Variants in SPATA31C2 observed in about 807,000 individuals in gnomAD.
The protein encoded by SPATA31C2 is spermatogenesis-associated protein 31C2.
Under a neutral mutation model 11.4 loss-of-function variants are expected in SPATA31C2, and 5 were observed. The ratio of observed to expected loss-of-function variants is 0.44; its 90% CI spans 0.23 to 0.92. SPATA31C2 has a LOEUF of 0.92. Among genes scored for constraint, SPATA31C2 ranks in the 40% least tolerant of loss-of-function variants. The pLI, the probability that SPATA31C2 is intolerant of heterozygous loss-of-function variation, is 0.24. For missense variants in SPATA31C2, 1,353 were observed against 1,368.6 expected, an observed-to-expected ratio of 0.99 and a Z score of 0.18; for synonymous variants, 515 against 538.7, an observed-to-expected ratio of 0.96 and a Z score of 0.61.
At position 88,130,403 on chromosome 9, in the gene SPATA31C2, C is replaced by T. The variant is rs185867032; in HGVS notation, c.2634G>A (p.Val878=). The T allele has an allele frequency of 2.7e-5, 43 of 1,611,822 alleles. No homozygotes were observed. The Admixed American group carries it at 4.7e-4, about 18-fold the overall frequency. Residue 878 remains valine (V), a synonymous_variant, in exon 4 of 4, where the codon GTG becomes GTA. Transcript: ENST00000324915. Reference sequence around the variant, plus strand: ...CAGATGCTTGCCCATCTGGAAGGAGCACAACAGTGGCAGAAACTTGAGGCT... The same window carrying T: ...CAGATGCTTGCCCATCTGGAAGGAGTACAACAGTGGCAGAAACTTGAGGCT... ...ETQPQVSATV[V]LLPDGQASVV...
chr9:88,134,328 G>A (rs1484734650), intron 1 of SPATA31C2, among the ~76,000 whole-genome samples: 2 of 131,636 alleles, frequency 1.5e-5, no homozygotes, highest in African/African-American at 2.7e-5. Flanking sequence ...GCCAGGCCCC[G>A]GTGGGAGGCC....
Position 88,131,197 on chromosome 9 carries a change from C to T in SPATA31C2, c.1840G>A (p.Val614Met), listed in dbSNP as rs745443188. 1.5e-5 allele frequency: 24 copies of T among 1,611,784 alleles called. No homozygotes were observed. Among genetic ancestry groups the T allele is most frequent in the South Asian group, 9.9e-5 (9 of 90,982 alleles). The change falls in exon 4 of 4, where the codon GTG becomes ATG. Residue 614 changes from valine (V) to methionine (M), a missense_variant. Val to Met is a conservative substitution (Grantham distance 21). Transcript: ENST00000324915. ...NQAFPVSNTH[V>M]KTSNLAAPKS... ...GGGGCTGCTAGATTGCTGGTTTTCA[C>T]GTGGGTGTTGGAGACGGGAAAAGCC...
chr9:88,136,056 C>T (rs1481409468), intron 1 of SPATA31C2, among the ~76,000 whole-genome samples: 10 of 136,588 alleles, frequency 7.3e-5, no homozygotes, highest in Non-Finnish European at 6.2e-5. Flanking sequence ...GCCTCAGCCT[C>T]CCGAGTAGCT....
chr9:88,131,635 C>G lies in SPATA31C2; in HGVS notation c.1402G>C (p.Asp468His), dbSNP rs536161576. ...AATTCATCCTGAAGCTGCATCAGAT[C>G]CAGAGACTCTTGGATCCTTCCACGT... ...GQRGRIQESL[D>H]LMQLQDELPG... Residue 468 changes from aspartate to histidine, a missense_variant, in exon 4 of 4, where the codon GAT (aspartate) becomes CAT (histidine). Transcript: ENST00000324915. 8 of 1,612,002 alleles carry G rather than the reference C, an allele frequency of 5.0e-6. No individual in the cohort carries two copies. The South Asian group carries it at 8.8e-5, about 18-fold the overall frequency.
chr9:88,137,296 A>G (rs557534119), intron 1 of SPATA31C2, among the ~76,000 whole-genome samples: 31 of 147,744 alleles, frequency 2.1e-4, no homozygotes, highest in Non-Finnish European at 3.6e-4. Context: ...TAGACAAAAC[A>G]ATAACCTCAA....
Position 88,130,885 on chromosome 9 carries a change from G to C in SPATA31C2, c.2152C>G (p.Gln718Glu). 6.2e-7 allele frequency: 1 copy of C among 1,613,778 alleles called. No individual in the cohort carries two copies. The highest frequency in any genetic ancestry group is 8.5e-7 in the Non-Finnish European group (1 of 1,179,864). ...TGAACAGATGGTTTGGTCAGCACCT[G>C]CTTTCTCAGACTTGCCATTGGTGGC... ...GEPPMASLRKQVLTKPSVHMP... is the reference protein window; with the variant it reads ...GEPPMASLRKEVLTKPSVHMP... Residue 718 changes from glutamine to glutamate, a missense_variant, in exon 4 of 4, where the codon CAG (glutamine) becomes GAG (glutamate). Physicochemically the swap from Gln to Glu is conservative, Grantham distance 29. This residue lies in a region of SPATA31C2 where 1,075 missense variants were observed against 992.8 expected (regional missense o/e 1.08). Transcript: ENST00000324915.
In SPATA31C2 at chr9:88,132,636, T is replaced by C; in HGVS notation, c.401A>G (p.Lys134Arg). The C allele has an allele frequency of 6.2e-7, 1 of 1,609,290 alleles. No individual in the cohort carries two copies. Among genetic ancestry groups the C allele is most frequent in the Middle Eastern group, 1.7e-4 (1 of 6,038 alleles). Reference sequence around the variant, plus strand: ...CCGGGAGGCTCCATCAGGTGTTCTTTTGCCCACCTCACCTGGCGGGTCTGG... The same window carrying C: ...CCGGGAGGCTCCATCAGGTGTTCTTCTGCCCACCTCACCTGGCGGGTCTGG... The part of the protein sequence containing the change: ...SGPDPPGEVG[K>R]RTPDGASRSS... Residue 134 changes from lysine to arginine, a missense_variant, in exon 4 of 4, where the codon AAA becomes AGA. Around this residue, in one of 6 missense-constraint regions of SPATA31C2, gnomAD observed 1,075 missense variants for 992.8 expected, o/e 1.08. Transcript: ENST00000324915.
rs746124586 is a variant in SPATA31C2 at position 88,130,219 on chromosome 9, G to C, written c.2818C>G (p.Gln940Glu). The change falls in exon 4 of 4, where the codon CAA (glutamine) becomes GAA (glutamate). Residue 940 changes from glutamine (Q) to glutamate (E), a missense_variant. Gln to Glu is a conservative substitution (Grantham distance 29). This residue lies in a region of SPATA31C2 where 16 missense variants were observed against 45.1 expected (regional missense o/e 0.35). Coordinates refer to ENST00000324915, the MANE Select transcript of SPATA31C2 (RefSeq NM_001350978.3). ...GGGCTTTGGCTCTTGCATGAGCCTT[G>C]ACAGTTTGGGTTCCTGGGCTCCTTG... ...GHKEPRNPNC[Q>E]GSCKSQSPMF... 25 of 1,609,058 alleles carry C rather than the reference G, an allele frequency of 1.6e-5. No individual in the cohort carries two copies. The South Asian group carries it at 2.7e-4, about 18-fold the overall frequency.
rs1465832768 is a variant in SPATA31C2 at position 88,129,856 on chromosome 9, G to GTCCA, written c.3177_3180dup (p.Gln1061TrpfsTer86). On this transcript the variant is annotated frameshift_variant, in exon 4 of 4. Transcript: ENST00000324915. LOFTEE classifies it low-confidence loss of function (END_TRUNC). ...AGTGACATGTTCTCCTCCAGTATCTGTCCAACTGCTGTCATGAGCCTCTCA... is the reference window on the plus strand; with the variant it reads ...AGTGACATGTTCTCCTCCAGTATCTGTCCATCCAACTGCTGTCATGAGCCTCTCA... 1 of 1,604,898 alleles carries GTCCA rather than the reference G, an allele frequency of 6.2e-7. No individual in the cohort carries two copies. Among genetic ancestry groups the GTCCA allele is most frequent in the African/African-American group, 1.3e-5 (1 of 74,684 alleles).
In SPATA31C2 at chr9:88,130,681, T is replaced by C; in HGVS notation, c.2356A>G (p.Ser786Gly). The change falls in exon 4 of 4, where the codon AGC (serine) becomes GGC (glycine). Residue 786 changes from serine (S) to glycine (G), a missense_variant. By Grantham distance (56) the Ser-to-Gly change is moderately conservative (BLOSUM62 0). Around this residue, in one of 6 missense-constraint regions of SPATA31C2, gnomAD observed 1,075 missense variants for 992.8 expected, o/e 1.08. Coordinates refer to ENST00000324915, the MANE Select transcript of SPATA31C2 (RefSeq NM_001350978.3). ...GCCCTTGAAGATTGGGCTCCTAAGC[T>C]CCTGCTCTGCTGGGTGCTGCCTGTG... ...SLTGSTQQSR[S>G]LGAQSSRAGE... is the part of the protein sequence containing the mutation. 1.2e-6 allele frequency: 2 copies of C among 1,613,844 alleles called. No individual in the cohort carries two copies. The highest frequency in any genetic ancestry group is 1.7e-5 in the Admixed American group (1 of 60,006).
rs777160377 is a variant in SPATA31C2 at position 88,131,372 on chromosome 9, C to G, written c.1665G>C (p.Leu555Phe). ...EESERNLRKP[L>F]RSDSGSDLLR... ...ATAAATCACTTCCTGAGTCACTCCT[C>G]AAGGGCTTCCTCAGGTTCCTTTCCG... Residue 555 changes from leucine to phenylalanine, a missense_variant, in exon 4 of 4, where the codon TTG becomes TTC. Leu to Phe is a conservative substitution (Grantham distance 22). This residue lies in a region of SPATA31C2 where 1,075 missense variants were observed against 992.8 expected (regional missense o/e 1.08). Coordinates refer to ENST00000324915, the MANE Select transcript of SPATA31C2 (RefSeq NM_001350978.3). The G allele has an allele frequency of 1.2e-6, 2 of 1,612,000 alleles. No homozygotes were observed. The highest frequency in any genetic ancestry group is 1.7e-6 in the Non-Finnish European group (2 of 1,179,860).
intron 1 of SPATA31C2, among the ~76,000 whole-genome samples, chr9:88,136,954 AG>A (rs1409874892): frequency 2.3e-5 from 3 of 129,534 alleles, no homozygotes; most frequent in Non-Finnish European, 4.7e-5. Context: ...ACCCTATTGC[AG>A]TAATCTCTAT....
chr9:88,133,508 G>A lies in SPATA31C2; in HGVS notation c.265+86C>T. The A allele has an allele frequency of 4.5e-6, 7 of 1,554,336 alleles. No homozygotes were observed. The South Asian group carries it at 7.9e-5, about 18-fold the overall frequency. On this transcript the variant is annotated intron_variant, in intron 2 of 3. Coordinates refer to ENST00000324915, the MANE Select transcript of SPATA31C2 (RefSeq NM_001350978.3). Reference sequence around the variant, plus strand: ...TCCTTCCTAGGAGCCCCCACCTCAGGTTTTTTCAACTGACTTCTTCAGAGT... The same window carrying A: ...TCCTTCCTAGGAGCCCCCACCTCAGATTTTTTCAACTGACTTCTTCAGAGT...
In SPATA31C2 at chr9:88,132,815, C is replaced by T; in HGVS notation, c.327-105G>A. On this transcript the variant is annotated intron_variant, in intron 3 of 3. Coordinates refer to ENST00000324915, the MANE Select transcript of SPATA31C2 (RefSeq NM_001350978.3). ...CTCCACCACGCCACACCCTGACCAC[C>T]CAATTCTCCTGCTACCCCTCGCCCC... 1.3e-5 allele frequency: 17 copies of T among 1,279,260 alleles called. 2 individuals are homozygous for T. The highest frequency in any genetic ancestry group is 1.8e-5 in the Non-Finnish European group (17 of 968,912). The allele number at this position is 1,279,260 out of a possible 1,614,324, so 79.2% of individuals were successfully genotyped here. A position where few individuals can be genotyped will look rare whatever the true frequency, so the allele number is the denominator to read the frequency against.
In SPATA31C2 at chr9:88,129,595, C is replaced by T. The variant is rs552680717; in HGVS notation, c.*37G>A. 558 of 1,602,186 alleles carry T rather than the reference C, an allele frequency of 3.5e-4. 2 individuals are homozygous for T. The highest frequency in any genetic ancestry group is 4.4e-4 in the Non-Finnish European group (515 of 1,172,688). On this transcript the variant is annotated 3_prime_UTR_variant, in exon 4 of 4. Transcript: ENST00000324915. ...AGCAAGAGTTGGGGATGTCGCAGGCCCCATTGCTCATTGTTGCACCGGACA... is the reference window on the plus strand; with the variant it reads ...AGCAAGAGTTGGGGATGTCGCAGGCTCCATTGCTCATTGTTGCACCGGACA...
chr9:88,134,433 A>C lies in SPATA31C2; in HGVS notation c.190-764T>G, dbSNP rs578010591. 1.3e-4 allele frequency among the ~76,000 whole-genome samples: 19 copies of C among 150,564 alleles called. No homozygotes were observed. In the South Asian group the frequency reaches 1.5e-3, roughly 12 times the overall value. On this transcript the variant is annotated intron_variant, in intron 1 of 3. Coordinates refer to ENST00000324915, the MANE Select transcript of SPATA31C2 (RefSeq NM_001350978.3). ...GGAAGGGACTGATGAGCCAGGGCTC[A>C]GGGCCTGGCCTCGGACAGAGACCTC... is the stretch of plus-strand genomic sequence containing the variant.
At position 88,131,442 on chromosome 9, in the gene SPATA31C2, A is replaced by T; in HGVS notation, c.1595T>A (p.Met532Lys). Residue 532 changes from methionine (M) to lysine (K), a missense_variant, in exon 4 of 4, where the codon ATG (methionine) becomes AAG (lysine). Met to Lys is a moderately conservative substitution (Grantham distance 95). Transcript: ENST00000324915. ...CAGAACCTTCCCTGGGAAGCTTTCCATGCCCCTGGATAGATTTTGTGGGGT... is the reference window on the plus strand; with the variant it reads ...CAGAACCTTCCCTGGGAAGCTTTCCTTGCCCCTGGATAGATTTTGTGGGGT... ...GETPQNLSRGMESFPGKVLGA... is the reference protein window; with the variant it reads ...GETPQNLSRGKESFPGKVLGA... 1 of 1,611,870 alleles carries T rather than the reference A, an allele frequency of 6.2e-7. No individual in the cohort carries two copies. Among genetic ancestry groups the T allele is most frequent in the Non-Finnish European group, 8.5e-7 (1 of 1,179,842 alleles).
In SPATA31C2 at chr9:88,131,473, C is replaced by G. The variant is rs774223569; in HGVS notation, c.1564G>C (p.Gly522Arg). Residue 522 changes from glycine (G) to arginine (R), a missense_variant, in exon 4 of 4, where the codon GGT becomes CGT. Gly to Arg is a moderately radical substitution (Grantham distance 125). This residue lies in a region of SPATA31C2 where 1,075 missense variants were observed against 992.8 expected (regional missense o/e 1.08). Coordinates refer to ENST00000324915, the MANE Select transcript of SPATA31C2 (RefSeq NM_001350978.3). ...DPCPHLGQIL[G>R]ETPQNLSRGM... ...CTGGATAGATTTTGTGGGGTCTCACCCAGAATTTGCCCCAGATGTGGGCAT... is the reference window on the plus strand; with the variant it reads ...CTGGATAGATTTTGTGGGGTCTCACGCAGAATTTGCCCCAGATGTGGGCAT... 9 of 1,611,730 alleles carry G rather than the reference C, an allele frequency of 5.6e-6. No homozygotes were observed. The South Asian group carries it at 8.8e-5, about 16-fold the overall frequency.
rs1217697781 is a variant in SPATA31C2 at position 88,133,017 on chromosome 9, T to A, written c.275A>T (p.Glu92Val). ...MKNHSLRACRECPRGLEETWD... is the reference protein window; with the variant it reads ...MKNHSLRACRVCPRGLEETWD... ...AGTCTCCTCCAGGCCTCTCGGGCACTCTCTACAAGCTGGAAATCAGACCGG... is the reference window on the plus strand; with the variant it reads ...AGTCTCCTCCAGGCCTCTCGGGCACACTCTACAAGCTGGAAATCAGACCGG... Residue 92 changes from glutamate to valine, a missense_variant, in exon 3 of 4, where the codon GAG (glutamate) becomes GTG (valine). Physicochemically the swap from Glu to Val is moderately radical, Grantham distance 121. Transcript: ENST00000324915. The A allele has an allele frequency of 2.2e-6, 3 of 1,355,246 alleles. No homozygotes were observed. Among genetic ancestry groups the A allele is most frequent in the African/African-American group, 2.2e-5 (1 of 46,270 alleles). The allele number at this position is 1,355,246 out of a possible 1,614,324, so 84.0% of individuals were successfully genotyped here. A position where few individuals can be genotyped will look rare whatever the true frequency, so the allele number is the denominator to read the frequency against.
Sources: allele counts gnomAD v4.1 joint callset (sites outside exome capture counted in the v4.1 genomes callset), GRCh38; gene constraint gnomAD v4.1.1; regional missense constraint gnomAD v4.1.1; transcripts MANE v1.5; gene names NCBI Gene and HGNC (gene_info 2026-07-23, HGNC 2026-07-21).